The following YWHAG variants were observed in gnomAD, a reference collection of about 807,000 sequenced individuals.
YWHAG encodes tyrosine 3-monooxygenase/tryptophan 5-monooxygenase activation protein gamma, also known as 14-3-3 protein gamma.
In YWHAG, 1 loss-of-function variant was observed where a neutral mutation model predicts 23.3. That is an observed-to-expected ratio of 0.04 (90% CI 0.02 to 0.20). YWHAG has a LOEUF of 0.20. YWHAG is among the 10% of genes least tolerant of loss of function. The pLI, the probability that YWHAG is intolerant of heterozygous loss-of-function variation, is 1.00. For synonymous variants in YWHAG, 160 were observed against 144.0 expected, an observed-to-expected ratio of 1.11 and a Z score of -0.80; for missense variants, 151 against 338.6, an observed-to-expected ratio of 0.45 and a Z score of 4.35.
chr7:76,350,705 G>A lies in YWHAG; in HGVS notation c.87+8017C>T, dbSNP rs149196652. Among the ~76,000 whole-genome samples, 68 of 152,246 alleles carry A rather than the reference G, an allele frequency of 4.5e-4. No individual in the cohort carries two copies. In the East Asian group the frequency reaches 0.011, roughly 24 times the overall value. On this transcript the variant is annotated intron_variant, in intron 1 of 1. Coordinates refer to ENST00000307630, the MANE Select transcript of YWHAG (RefSeq NM_012479.4). ...CTAAAAATACAAAAATTAGCCGGGC[G>A]TGGTGGTACATGCCTGTAATCCCAG...
At chr7:76,354,464 T>C (rs1485805101) in intron 1 of YWHAG, among the ~76,000 whole-genome samples, 1 of 151,506 alleles carries the variant, frequency 6.6e-6, no homozygotes, top group African/African-American at 2.4e-5. Flanking sequence ...TGAGCCGAGA[T>C]ACCACACCAC....
chr7:76,332,486 A>C (rs1358818160), intron 1 of YWHAG, among the ~76,000 whole-genome samples: 1 of 152,156 alleles, frequency 6.6e-6, no homozygotes, highest in Non-Finnish European at 1.5e-5. Flanking sequence ...TTCTTTCATA[A>C]GGTAATATAC....
intron 1 of YWHAG, among the ~76,000 whole-genome samples, chr7:76,337,675 C>T (rs1803635149): frequency 6.6e-6 from 1 of 151,934 alleles, no homozygotes; most frequent in Non-Finnish European, 1.5e-5. Context: ...GCTGGGTCTA[C>T]AGGCGCCCAC....
At chr7:76,331,549 ATT>A (rs774893313) in intron 1 of YWHAG, among the ~76,000 whole-genome samples, 37 of 140,510 alleles carry the variant, frequency 2.6e-4, no homozygotes, top group Non-Finnish European at 2.7e-4. Context: ...TCTTTTTGCG[ATT>A]TTTTTTTTTT....
chr7:76,340,033 G>A (rs1803668465), intron 1 of YWHAG, among the ~76,000 whole-genome samples: 1 of 152,112 alleles, frequency 6.6e-6, no homozygotes, highest in African/African-American at 2.4e-5. Flanking sequence ...ACATTGCAGT[G>A]AGCCAAGATC....
intron 1 of YWHAG, among the ~76,000 whole-genome samples, chr7:76,344,641 G>A (rs145829188): frequency 2.6e-5 from 4 of 152,214 alleles, no homozygotes; most frequent in African/African-American, 7.2e-5. Context: ...TGGAATCAAT[G>A]TCATGCTCAC....
Position 76,336,284 on chromosome 7 carries a change from C to G in YWHAG, c.88-6051G>C, listed in dbSNP as rs558775280. ...TGTAGATCACCAAGAGTGAGCTCTA[C>G]TGTAAACTGTGGACCTTGGGTGATA... is the stretch of plus-strand genomic sequence containing the variant. On this transcript the variant is annotated intron_variant, in intron 1 of 1. Transcript: ENST00000307630. 1.2e-4 allele frequency among the ~76,000 whole-genome samples: 18 copies of G among 152,246 alleles called. 1 individual carries two copies. In the South Asian group the frequency reaches 3.5e-3, roughly 30 times the overall value.
At chr7:76,349,582 G>C (rs746529697) in intron 1 of YWHAG, among the ~76,000 whole-genome samples, 1 of 152,118 alleles carries the variant, frequency 6.6e-6, no homozygotes, top group African/African-American at 2.4e-5. Context: ...ACATGCCACA[G>C]CTCCAAATAA....
intron 1 of YWHAG, among the ~76,000 whole-genome samples, chr7:76,341,591 A>G (rs1398643291): frequency 1.3e-5 from 2 of 152,130 alleles, no homozygotes; most frequent in Non-Finnish European, 2.9e-5. Flanking sequence ...AACATGCTAC[A>G]CCGATGATCT....
At chr7:76,344,833 TC>T (rs1803751687) in intron 1 of YWHAG, among the ~76,000 whole-genome samples, 1 of 152,172 alleles carries the variant, frequency 6.6e-6, no homozygotes, top group Non-Finnish European at 1.5e-5. Context: ...AACCTCCCAG[TC>T]CCCACTCTTA....
chr7:76,356,470 G>T (rs1400666412), intron 1 of YWHAG, among the ~76,000 whole-genome samples: 2 of 152,088 alleles, frequency 1.3e-5, no homozygotes, highest in Admixed American at 1.3e-4. Flanking sequence ...AAAGGTTTTG[G>T]AACGGGTTTT....
Position 76,358,854 on chromosome 7 carries a change from C to G in YWHAG, c.-46G>C, listed in dbSNP as rs1178121174. 6.4e-7 allele frequency: 1 copy of G among 1,553,582 alleles called. No homozygotes were observed. The highest frequency in any genetic ancestry group is 1.8e-5 in the Admixed American group (1 of 54,592). On this transcript the variant is annotated 5_prime_UTR_variant, in exon 1 of 2. Transcript: ENST00000307630. ...CCGGAGAAGGAGGAGGACACTGGGG[C>G]GGCCTGAAGGGCTTGGAGGGCGCGA... is the stretch of plus-strand genomic sequence containing the variant.
intron 1 of YWHAG, among the ~76,000 whole-genome samples, chr7:76,338,945 T>A (rs1009670053): frequency 2.1e-4 from 32 of 152,316 alleles, no homozygotes; most frequent in African/African-American, 7.5e-4. Context: ...GCAGTCAAGG[T>A]TGATTAGGTT....
At position 76,329,489 on chromosome 7, in the gene YWHAG, T is replaced by TTCCCCC; in HGVS notation, c.*87_*88insGGGGGA. 1 of 1,024,228 alleles carries TTCCCCC rather than the reference T, an allele frequency of 9.8e-7. No individual in the cohort carries two copies. The highest frequency in any genetic ancestry group is 1.4e-6 in the Non-Finnish European group (1 of 740,082). The allele number at this position is 1,024,228 out of a possible 1,614,324, so 63.4% of individuals were successfully genotyped here. A position where few individuals can be genotyped will look rare whatever the true frequency, so the allele number is the denominator to read the frequency against. On this transcript the variant is annotated 3_prime_UTR_variant, in exon 2 of 2. Coordinates refer to ENST00000307630, the MANE Select transcript of YWHAG (RefSeq NM_012479.4). The surrounding 1 kb of genome is among the most constrained non-coding windows in gnomAD (Gnocchi z 6.1). The stretch of plus-strand genomic sequence containing the variant: ...TCCCTGGGAAGGTCATCCCTCCCTT[T>TTCCCCC]CCCTCCCCCACCCGACCCCCAACTC...
intron 1 of YWHAG, among the ~76,000 whole-genome samples, chr7:76,354,106 T>C (rs890610572): frequency 2.0e-5 from 3 of 148,714 alleles, no homozygotes; most frequent in African/African-American, 5.0e-5. Flanking sequence ...CACATAATTA[T>C]AGACTGGAAT....
chr7:76,352,680 C>T (rs1489557780), intron 1 of YWHAG, among the ~76,000 whole-genome samples: 1 of 151,262 alleles, frequency 6.6e-6, no homozygotes, highest in African/African-American at 2.4e-5. Flanking sequence ...GACAGAGTCT[C>T]ACACTGTCAC....
At chr7:76,344,148 T>G (rs1238983475) in intron 1 of YWHAG, among the ~76,000 whole-genome samples, 2 of 152,084 alleles carry the variant, frequency 1.3e-5, no homozygotes, top group Non-Finnish European at 2.9e-5. Flanking sequence ...TCTCGCTCTG[T>G]TGCCTAGGCT....
intron 1 of YWHAG, among the ~76,000 whole-genome samples, chr7:76,335,347 C>A (rs1050810036): frequency 6.6e-6 from 1 of 152,156 alleles, no homozygotes; most frequent in Non-Finnish European, 1.5e-5. Flanking sequence ...TGAGCCACCG[C>A]GCCCGGCCTC....
At chr7:76,336,985 C>T (rs188941990) in intron 1 of YWHAG, among the ~76,000 whole-genome samples, 1 of 152,294 alleles carries the variant, frequency 6.6e-6, no homozygotes, top group East Asian at 1.9e-4. Context: ...GTGGATAAAC[C>T]ACTGCAAACG....
Sources: gnomAD v4.1 joint callset for allele counts (sites outside exome capture counted in the v4.1 genomes callset) on GRCh38, gnomAD v4.1.1 for gene constraint, Gnocchi (gnomAD v3.1) non-coding constraint, MANE v1.5 for transcripts, NCBI Gene and HGNC (gene_info 2026-07-23, HGNC 2026-07-21) for gene names.